DRC8: variants seen among roughly 807,000 people sequenced by gnomAD.
The protein encoded by DRC8 is dynein regulatory complex protein 8.
At chr1:245,098,217 AG>A in the DRC8 span, among the ~76,000 whole-genome samples, 1 of 152,268 alleles carries the variant, frequency 6.6e-6, no homozygotes, top group South Asian at 2.1e-4. Flanking sequence ...GTTAAGGTTG[AG>A]GGGGAAGATC....
the DRC8 span, among the ~76,000 whole-genome samples, chr1:245,099,869 A>ATG: frequency 6.6e-6 from 1 of 152,146 alleles, no homozygotes; most frequent in South Asian, 2.1e-4. Context: ...TTAGTAGACA[A>ATG]TGGTACAGTG....
chr1:245,072,784 G>C, the DRC8 span, among the ~76,000 whole-genome samples: 3 of 152,188 alleles, frequency 2.0e-5, no homozygotes, highest in Non-Finnish European at 4.4e-5. Context: ...GGTGATAAAT[G>C]ACTTCACACA....
chr1:245,020,247 T>C, the DRC8 span, among the ~76,000 whole-genome samples: 3 of 152,210 alleles, frequency 2.0e-5, no homozygotes, highest in East Asian at 1.9e-4. Flanking sequence ...TGAAATTGTA[T>C]TGCATTAGAT....
the DRC8 span, chr1:245,015,748 T>C: frequency 7.2e-6 from 2 of 278,980 alleles, no homozygotes; most frequent in Non-Finnish European, 1.4e-5. Context: ...ATATCCAGAA[T>C]GCTGACATTT....
chr1:245,121,330 G>A, the DRC8 span, among the ~76,000 whole-genome samples: 127 of 152,294 alleles, frequency 8.3e-4, 1 homozygote, highest in Middle Eastern at 3.4e-3. Flanking sequence ...TATATGTAAC[G>A]GAAGAGTCCA....
chr1:245,110,974 T>C, the DRC8 span, among the ~76,000 whole-genome samples: 1 of 152,168 alleles, frequency 6.6e-6, no homozygotes. Flanking sequence ...TCAGCTATGG[T>C]ATACCAGCTC....
At chr1:245,059,537 G>T in the DRC8 span, 1,228,410 of 1,233,472 alleles carry the variant, frequency 1, 611,797 homozygotes, top group East Asian at 1. Context: ...AATCCTTACC[G>T]GAAACTAAAA....
the DRC8 span, among the ~76,000 whole-genome samples, chr1:245,095,580 AGTGCAGAGGCAC>A: frequency 2.0e-5 from 3 of 152,184 alleles, no homozygotes; most frequent in African/African-American, 7.2e-5. Context: ...CCCTGGCTGG[AGTGCAGAGGCAC>A]GATCATAGCT....
At chr1:244,970,314 C>A in the DRC8 span, 1 of 1,178,132 alleles carries the variant, frequency 8.5e-7, no homozygotes, top group South Asian at 1.3e-5. Flanking sequence ...GGATTCAGAG[C>A]GGCCCCTCCT....
At chr1:245,054,839 T>A in the DRC8 span, among the ~76,000 whole-genome samples, 1 of 152,234 alleles carries the variant, frequency 6.6e-6, no homozygotes, top group East Asian at 1.9e-4. Flanking sequence ...GCAAGTTAGC[T>A]TGTTACTGTC....
chr1:245,074,936 TACAA>T, the DRC8 span, among the ~76,000 whole-genome samples: 71,947 of 151,584 alleles, frequency 0.47, 17,879 homozygotes, highest in East Asian at 0.69. Flanking sequence ...TATTTTTTAC[TACAA>T]ACAGTTTTTA....
chr1:245,005,642 C>T, the DRC8 span, among the ~76,000 whole-genome samples: 6 of 152,050 alleles, frequency 3.9e-5, no homozygotes, highest in Non-Finnish European at 7.3e-5. Flanking sequence ...TGGCACCCGG[C>T]CTTATTGAGT....
the DRC8 span, chr1:245,122,125 A>C: frequency 4.3e-6 from 1 of 232,432 alleles, no homozygotes; most frequent in Non-Finnish European, 8.3e-6. Context: ...CTGGTCTCGA[A>C]CTCCTGACCT....
chr1:245,003,503 C>T, the DRC8 span, among the ~76,000 whole-genome samples: 5 of 152,202 alleles, frequency 3.3e-5, no homozygotes, highest in African/African-American at 1.2e-4. Context: ...CAGGTCAGTG[C>T]TCTTAACCAG....
chr1:245,054,946 TG>T, the DRC8 span, among the ~76,000 whole-genome samples: 1 of 152,310 alleles, frequency 6.6e-6, no homozygotes, highest in Admixed American at 6.5e-5. Context: ...AGCTTGTGGG[TG>T]ACAGTTACTC....
the DRC8 span, among the ~76,000 whole-genome samples, chr1:245,103,112 C>T: frequency 6.9e-6 from 1 of 145,220 alleles, no homozygotes; most frequent in African/African-American, 2.7e-5. Flanking sequence ...GGAGGGAGAC[C>T]AGAGAGGCCA....
chr1:245,098,506 T>A, the DRC8 span, among the ~76,000 whole-genome samples: 1 of 152,162 alleles, frequency 6.6e-6, no homozygotes, highest in Admixed American at 6.5e-5. Context: ...CAATCCCAGG[T>A]CCTATTCCGT....
the DRC8 span, among the ~76,000 whole-genome samples, chr1:245,000,768 G>C: frequency 8.3e-6 from 1 of 120,568 alleles, no homozygotes; most frequent in Admixed American, 9.2e-5. Context: ...GCAACAGAGC[G>C]AGACTCCATC....
the DRC8 span, among the ~76,000 whole-genome samples, chr1:244,972,851 C>T: frequency 6.6e-6 from 1 of 151,504 alleles, no homozygotes; most frequent in African/African-American, 2.4e-5. Flanking sequence ...AAACAAAGTT[C>T]GAGAAGCACT....
Sources: allele counts gnomAD v4.1 joint callset (sites outside exome capture counted in the v4.1 genomes callset), GRCh38; gene constraint gnomAD v4.1.1; transcripts MANE v1.5; gene names NCBI Gene and HGNC (gene_info 2026-07-23, HGNC 2026-07-21).